The following KAZN variants were observed in gnomAD, a reference collection of about 807,000 sequenced individuals.
The protein encoded by KAZN is kazrin, periplakin interacting protein.
KAZN carries 40 observed loss-of-function variants against 87.4 expected under a neutral mutation model. The ratio of observed to expected loss-of-function variants is 0.46; its 90% CI spans 0.36 to 0.60. KAZN has a LOEUF of 0.60. Ranked by LOEUF, KAZN falls within the 20% of genes least tolerant of loss-of-function variation. The probability of loss-of-function intolerance (pLI) is 0.00; values close to 1 mark genes in which losing one functional copy is unlikely to be tolerated. For synonymous variants in KAZN, 466 were observed against 458.3 expected (o/e 1.02, Z -0.22); for missense variants, 898 against 1,073.9 (o/e 0.84, Z 2.29).
intron 1 of KAZN, among the ~76,000 whole-genome samples, chr1:14,080,679 CG>C (rs1643642278): frequency 6.6e-6 from 1 of 152,190 alleles, no homozygotes; most frequent in African/African-American, 2.4e-5. Flanking sequence ...CTGGCGTGAG[CG>C]TTTTCTGCAT....
At chr1:14,170,488 C>G (rs1279880312) in intron 1 of KAZN, among the ~76,000 whole-genome samples, 8 of 152,096 alleles carry the variant, frequency 5.3e-5, no homozygotes, top group Non-Finnish European at 1.2e-4. Context: ...GTGTCTGATT[C>G]TAGAAAGATG....
rs548340023 is a variant in KAZN, at chr1:15,048,751, G to A, written c.726+4592G>A. ...GGTCATGGGTCGTCGATCCTGGGTC[G>A]TCGATCCTGGGTCGTCGATCCTGGG... On this transcript the variant is annotated intron_variant, in intron 4 of 14. Coordinates refer to ENST00000376030, the MANE Select transcript of KAZN (RefSeq NM_201628.3). Among the ~76,000 whole-genome samples the A allele has an allele frequency of 3.4e-4, 51 of 148,570 alleles. 1 individual carries two copies. Among genetic ancestry groups the A allele is most frequent in the Non-Finnish European group, 5.3e-4 (36 of 67,650 alleles).
At chr1:14,060,190 C>T (rs868107756) in intron 1 of KAZN, among the ~76,000 whole-genome samples, 5 of 151,832 alleles carry the variant, frequency 3.3e-5, no homozygotes, top group Non-Finnish European at 7.4e-5. Context: ...AGTGAAACCC[C>T]GTCTCTACTA....
intron 1 of KAZN, among the ~76,000 whole-genome samples, chr1:14,690,539 G>GT (rs1008177060): frequency 2.2e-4 from 33 of 151,128 alleles, no homozygotes; most frequent in Non-Finnish European, 2.8e-4. Flanking sequence ...AGAGGGAAGG[G>GT]TTTTTTTTTC....
intron 1 of KAZN, among the ~76,000 whole-genome samples, chr1:13,981,095 A>ATATATATATATATATATATATG (rs1196413078): frequency 0.03 from 3,119 of 104,184 alleles, 375 homozygotes; most frequent in African/African-American, 0.12. Context: ...CTCTTTATAT[A>ATATATATATATATATATATATG]TATATATATA....
chr1:15,023,028 C>T (rs981529283), intron 2 of KAZN, among the ~76,000 whole-genome samples: 1 of 152,218 alleles, frequency 6.6e-6, no homozygotes, highest in Non-Finnish European at 1.5e-5. Flanking sequence ...AGCTGAGGCC[C>T]AGGCCCTGCC....
At chr1:14,334,829 G>C (rs1657112759) in intron 2 of KAZN, among the ~76,000 whole-genome samples, 2 of 152,246 alleles carry the variant, frequency 1.3e-5, no homozygotes, top group South Asian at 4.1e-4. Flanking sequence ...CAGAGAGACA[G>C]ACAGACACAG....
At chr1:14,463,949 T>C (rs1667980380) in intron 2 of KAZN, among the ~76,000 whole-genome samples, 1 of 152,210 alleles carries the variant, frequency 6.6e-6, no homozygotes. Flanking sequence ...AGTTTCATTC[T>C]GAGAGCTTGG....
intron 1 of KAZN, among the ~76,000 whole-genome samples, chr1:14,619,650 A>T (rs563055210): frequency 3.2e-4 from 49 of 152,138 alleles, no homozygotes; most frequent in South Asian, 4.1e-4. Context: ...CCTTTTAACC[A>T]CCCCACACGG....
In KAZN at chr1:14,867,670, G is replaced by A. The variant is rs536243734; in HGVS notation, c.227-93014G>A. 9.2e-5 allele frequency among the ~76,000 whole-genome samples: 14 copies of A among 151,894 alleles called. No individual in the cohort carries two copies. The South Asian group carries it at 2.7e-3, about 29-fold the overall frequency. ...ACAACAGCAGTCATCCTATTCAGGT[G>A]CTTTTGCTAGGACTGTGACTTCTGT... On this transcript the variant is annotated intron_variant, in intron 1 of 14. Coordinates refer to ENST00000376030, the MANE Select transcript of KAZN (RefSeq NM_201628.3).
intron 1 of KAZN, among the ~76,000 whole-genome samples, chr1:14,906,093 G>A (rs1297429585): frequency 6.6e-6 from 1 of 151,418 alleles, no homozygotes; most frequent in Non-Finnish European, 1.5e-5. Flanking sequence ...CTTGAACCCG[G>A]TAGGCGGGGC....
At position 15,110,141 on chromosome 1, in the gene KAZN, T is replaced by TTGTGTATGTGTGTGCATA. The variant is rs1356759330; in HGVS notation, c.2049-2280_2049-2263dup. On this transcript the variant is annotated intron_variant, in intron 13 of 14. Transcript: ENST00000376030. The stretch of plus-strand genomic sequence containing the variant: ...TGTATTTGTGTATGTGTCTGTGTAT[T>TTGTGTATGTGTGTGCATA]TGTGTATGTGTGTGCATATGTGTTT... Among the ~76,000 whole-genome samples, 122 of 151,218 alleles carry TTGTGTATGTGTGTGCATA rather than the reference T, an allele frequency of 8.1e-4. 1 individual carries two copies. In the East Asian group the frequency reaches 0.022, roughly 27 times the overall value.
At chr1:14,221,950 A>C (rs1050853827) in intron 2 of KAZN, 3 of 152,184 alleles carry the variant, frequency 2.0e-5, no homozygotes, top group Non-Finnish European at 4.4e-5. Context: ...GTCATGAATA[A>C]GAAAACAAAG....
At chr1:14,623,940 G>T (rs1194059815) in intron 1 of KAZN, among the ~76,000 whole-genome samples, 1 of 152,040 alleles carries the variant, frequency 6.6e-6, no homozygotes, top group Admixed American at 6.5e-5. Flanking sequence ...TTTGAGACTT[G>T]TTTTATATCT....
intron 1 of KAZN, among the ~76,000 whole-genome samples, chr1:14,613,708 G>C (rs1677994116): frequency 6.6e-6 from 1 of 152,224 alleles, no homozygotes; most frequent in African/African-American, 2.4e-5. Context: ...GCAGGTTGGA[G>C]ATGTGTGGAT....
At chr1:14,551,274 CAG>C (rs1450919566) in intron 2 of KAZN, among the ~76,000 whole-genome samples, 1 of 152,168 alleles carries the variant, frequency 6.6e-6, no homozygotes, top group Admixed American at 6.5e-5. Context: ...CCACTGATCA[CAG>C]GGAAAATTAT....
intron 2 of KAZN, among the ~76,000 whole-genome samples, chr1:14,502,875 A>T (rs561510693): frequency 6.6e-6 from 1 of 152,300 alleles, no homozygotes; most frequent in Admixed American, 6.5e-5. Flanking sequence ...AACACCCTTC[A>T]GAGAGAGTTG....
At chr1:14,916,691 C>T (rs1657849454) in intron 1 of KAZN, among the ~76,000 whole-genome samples, 1 of 152,084 alleles carries the variant, frequency 6.6e-6, no homozygotes, top group South Asian at 2.1e-4. Context: ...GGTAGGAGGA[C>T]CACTTAACGC....
At chr1:14,837,355 A>G (rs1647372343) in intron 1 of KAZN, among the ~76,000 whole-genome samples, 1 of 151,648 alleles carries the variant, frequency 6.6e-6, no homozygotes, top group African/African-American at 2.4e-5. Flanking sequence ...AGGCGCCACC[A>G]TGCCCTGCTA....
Sources: gnomAD v4.1 joint callset for allele counts (sites outside exome capture counted in the v4.1 genomes callset) on GRCh38, gnomAD v4.1.1 for gene constraint, MANE v1.5 for transcripts, NCBI Gene and HGNC (gene_info 2026-07-23, HGNC 2026-07-21) for gene names.